The following ARFIP1 variants were observed in gnomAD, a reference collection of about 807,000 sequenced individuals.
ARFIP1 encodes ARF interacting protein 1, also known as arfaptin-1.
ARFIP1 carries 24 observed loss-of-function variants against 42.5 expected under a neutral mutation model. The ratio of observed to expected loss-of-function variants is 0.57; its 90% CI spans 0.41 to 0.80. The LOEUF (loss-of-function observed/expected upper bound fraction) is 0.80, where lower values mean the gene tolerates loss of function less well. ARFIP1 is among the 30% of genes least tolerant of loss of function. ARFIP1 has a pLI of 0.00. For missense variants in ARFIP1, 354 were observed against 434.0 expected, an observed-to-expected ratio of 0.82 and a Z score of 1.64; for synonymous variants, 141 against 153.7, an observed-to-expected ratio of 0.92 and a Z score of 0.61.
chr4:152,840,465 A>G (rs1174404894), intron 2 of ARFIP1, among the ~76,000 whole-genome samples: 1 of 152,048 alleles, frequency 6.6e-6, no homozygotes, highest in Non-Finnish European at 1.5e-5. Context: ...GGATTGTGAT[A>G]TTTTCCTGCT....
intron 5 of ARFIP1, among the ~76,000 whole-genome samples, chr4:152,874,853 G>A (rs557703206): frequency 1.3e-5 from 2 of 152,032 alleles, no homozygotes; most frequent in South Asian, 4.2e-4. Context: ...TGTGGAGAGC[G>A]AGTCTCCCTA....
chr4:152,813,523 G>T (rs1244510896), intron 1 of ARFIP1, among the ~76,000 whole-genome samples: 1 of 151,474 alleles, frequency 6.6e-6, no homozygotes, highest in Non-Finnish European at 1.5e-5. Flanking sequence ...ATTTTTATTT[G>T]AATTCCATTT....
At chr4:152,808,857 A>T (rs1005119345) in intron 1 of ARFIP1, among the ~76,000 whole-genome samples, 1 of 151,990 alleles carries the variant, frequency 6.6e-6, no homozygotes, top group African/African-American at 2.4e-5. Flanking sequence ...TCATCTGAGG[A>T]TGGGAGTTCA....
chr4:152,902,333 C>A (rs141140924), intron 8 of ARFIP1, among the ~76,000 whole-genome samples: 39 of 152,276 alleles, frequency 2.6e-4, no homozygotes, highest in Non-Finnish European at 3.4e-4. Flanking sequence ...GAGACCCGGT[C>A]TCTACGGAAA....
At position 152,837,941 on chromosome 4, in the gene ARFIP1, G is replaced by A. The variant is rs186402335; in HGVS notation, c.93+8215G>A. On this transcript the variant is annotated intron_variant, in intron 2 of 8. Transcript: ENST00000353617. ...GGTTTAAGTCCTTAATCCATCTTGC[G>A]TTGATTTTTGTATAAGGTGAGAGAT... is the stretch of plus-strand genomic sequence containing the variant. 1.4e-4 allele frequency among the ~76,000 whole-genome samples: 21 copies of A among 152,198 alleles called. No individual in the cohort carries two copies. The East Asian group carries it at 2.9e-3, about 21-fold the overall frequency.
At chr4:152,867,527 T>TGAGATGG (rs1263834612) in intron 3 of ARFIP1, among the ~76,000 whole-genome samples, 2 of 151,412 alleles carry the variant, frequency 1.3e-5, no homozygotes, top group South Asian at 2.1e-4. Flanking sequence ...GGGAGAGAGG[T>TGAGATGG]GAGACGGGAG....
chr4:152,832,672 A>C (rs1284941129), intron 2 of ARFIP1, among the ~76,000 whole-genome samples: 1 of 152,144 alleles, frequency 6.6e-6, no homozygotes, highest in Non-Finnish European at 1.5e-5. Context: ...TCTTGAAGAC[A>C]CTTTGTTTCT....
At chr4:152,846,267 G>A (rs1365615019) in intron 2 of ARFIP1, among the ~76,000 whole-genome samples, 1 of 152,152 alleles carries the variant, frequency 6.6e-6, no homozygotes, top group East Asian at 1.9e-4. Context: ...CAGTACCTGG[G>A]TGACAGTATC....
chr4:152,788,588 G>A (rs1339298538), intron 1 of ARFIP1, among the ~76,000 whole-genome samples: 1 of 152,132 alleles, frequency 6.6e-6, no homozygotes, highest in Non-Finnish European at 1.5e-5. Context: ...GGCTGAGGTG[G>A]GAGGATTACT....
intron 1 of ARFIP1, among the ~76,000 whole-genome samples, chr4:152,780,978 CTT>C (rs1157469705): frequency 6.6e-6 from 1 of 152,104 alleles, no homozygotes; most frequent in African/African-American, 2.4e-5. Flanking sequence ...TTTGGCCACT[CTT>C]AGGATTTCTG....
intron 2 of ARFIP1, among the ~76,000 whole-genome samples, chr4:152,848,341 C>T (rs924141972): frequency 1.3e-5 from 2 of 151,998 alleles, no homozygotes; most frequent in Admixed American, 6.6e-5. Flanking sequence ...TGTTTATTCA[C>T]GTAAGAACGA....
At chr4:152,822,833 G>A (rs1050491505) in intron 1 of ARFIP1, among the ~76,000 whole-genome samples, 13 of 152,172 alleles carry the variant, frequency 8.5e-5, no homozygotes, top group Non-Finnish European at 1.8e-4. Flanking sequence ...GTGAAATGAA[G>A]ATGGAAATTT....
intron 8 of ARFIP1, among the ~76,000 whole-genome samples, chr4:152,897,602 G>T (rs1001360908): frequency 2.6e-5 from 4 of 152,176 alleles, no homozygotes; most frequent in African/African-American, 9.7e-5. Context: ...TGAATGAAAA[G>T]AATTCACTTT....
At position 152,780,192 on chromosome 4, in the gene ARFIP1, C is replaced by T. The variant is rs1447599353; in HGVS notation, c.-44C>T. On this transcript the variant is annotated 5_prime_UTR_variant, in exon 1 of 9. Coordinates refer to ENST00000353617, the MANE Select transcript of ARFIP1 (RefSeq NM_001025595.3). ...CCAGAGAGCGGCGGAAAGGATAAGC[C>T]TCGACTTAGAAGCTACCGAGTTACC... 1 of 152,290 alleles carries T rather than the reference C, an allele frequency of 6.6e-6. No homozygotes were observed. Among genetic ancestry groups the T allele is most frequent in the African/African-American group, 2.4e-5 (1 of 41,458 alleles). The allele number at this position is 152,290 out of a possible 1,614,324, so 9.4% of individuals were successfully genotyped here. A position where few individuals can be genotyped will look rare whatever the true frequency, so the allele number is the denominator to read the frequency against.
intron 6 of ARFIP1, 152 bp downstream of exon 6, chr4:152,881,336 C>T (rs112932517): frequency 2.3e-4 from 138 of 605,988 alleles, no homozygotes; most frequent in African/African-American, 2.2e-3. Flanking sequence ...TTAAGAAGGC[C>T]CTCTTAAAGT....
At chr4:152,832,755 G>A (rs1380251826) in intron 2 of ARFIP1, among the ~76,000 whole-genome samples, 4 of 152,158 alleles carry the variant, frequency 2.6e-5, no homozygotes, top group Admixed American at 2.6e-4. Context: ...TGTGTATGAT[G>A]TGAAGTAGGG....
intron 1 of ARFIP1, among the ~76,000 whole-genome samples, chr4:152,781,826 G>C (rs1730515475): frequency 6.6e-6 from 1 of 152,184 alleles, no homozygotes; most frequent in South Asian, 2.1e-4. Context: ...CTTAATCCTG[G>C]ATGATGACTT....
chr4:152,782,046 T>TTG (rs1365088533), intron 1 of ARFIP1, among the ~76,000 whole-genome samples: 1 of 151,336 alleles, frequency 6.6e-6, no homozygotes, highest in Non-Finnish European at 1.5e-5. Flanking sequence ...AAAACAGGTT[T>TTG]TGTGTGTGTA....
intron 8 of ARFIP1, among the ~76,000 whole-genome samples, chr4:152,902,315 G>A (rs1017175203): frequency 4.6e-5 from 7 of 152,154 alleles, no homozygotes; most frequent in African/African-American, 1.7e-4. Context: ...CAGCCTGAGT[G>A]ACATAGAGAG....
Sources: gnomAD v4.1 joint callset for allele counts (sites outside exome capture counted in the v4.1 genomes callset) on GRCh38, gnomAD v4.1.1 for gene constraint, MANE v1.5 for transcripts, NCBI Gene and HGNC (gene_info 2026-07-23, HGNC 2026-07-21) for gene names.